Variants in PHF24 observed in about 807,000 individuals in gnomAD.
The protein encoded by PHF24 is Galpha inhibitory interacting protein.
A neutral mutation model predicts 42.6 loss-of-function variants in PHF24; 25 were observed. That is an observed-to-expected ratio of 0.59 (90% CI 0.43 to 0.82). The LOEUF is 0.82. Ranked by LOEUF, PHF24 falls within the 40% of genes least tolerant of loss-of-function variation. The pLI is 0.00. For synonymous variants in PHF24, 185 were observed against 204.8 expected, an observed-to-expected ratio of 0.90 and a Z score of 0.83; for missense variants, 470 against 538.1, an observed-to-expected ratio of 0.87 and a Z score of 1.25.
the PHF24 span, among the ~76,000 whole-genome samples, chr9:34,940,273 C>A: frequency 1.3e-5 from 2 of 152,068 alleles, no homozygotes; most frequent in African/African-American, 4.8e-5. Flanking sequence ...TTCTCCCTCC[C>A]AGATAAGCAC....
chr9:34,863,982 G>C, the PHF24 span, among the ~76,000 whole-genome samples: 1 of 152,234 alleles, frequency 6.6e-6, no homozygotes, highest in Non-Finnish European at 1.5e-5. Context: ...TAGAAACTCT[G>C]GAGTTGAAAA....
chr9:34,850,507 A>T, the PHF24 span, among the ~76,000 whole-genome samples: 2,509 of 151,866 alleles, frequency 0.017, 33 homozygotes, highest in Non-Finnish European at 0.026. Flanking sequence ...ATTTGTCTAA[A>T]TTTTTTTCAA....
the PHF24 span, among the ~76,000 whole-genome samples, chr9:34,876,604 T>C: frequency 6.6e-6 from 1 of 152,046 alleles, no homozygotes; most frequent in Non-Finnish European, 1.5e-5. Context: ...TCATTACTCA[T>C]TAGAGAAATG....
At chr9:34,836,006 T>C in the PHF24 span, 1 of 671,290 alleles carries the variant, frequency 1.5e-6, no homozygotes, top group Non-Finnish European at 2.8e-6. Flanking sequence ...CAGGGATCTG[T>C]ACATAGGATT....
chr9:34,806,790 A>C, the PHF24 span, among the ~76,000 whole-genome samples: 1 of 152,202 alleles, frequency 6.6e-6, no homozygotes, highest in Non-Finnish European at 1.5e-5. Context: ...CTTATTCGTA[A>C]GTATTTTATT....
At chr9:34,759,690 A>C in the PHF24 span, among the ~76,000 whole-genome samples, 106 of 152,306 alleles carry the variant, frequency 7.0e-4, no homozygotes, top group African/African-American at 2.3e-3. Flanking sequence ...TGCCCCCAGC[A>C]GAATCACCAT....
the PHF24 span, among the ~76,000 whole-genome samples, chr9:34,712,271 T>C: frequency 6.6e-6 from 1 of 152,198 alleles, no homozygotes; most frequent in East Asian, 1.9e-4. Flanking sequence ...TAATTTGTCT[T>C]GGTGTGGATC....
At chr9:34,727,957 G>T in the PHF24 span, 1 of 1,473,484 alleles carries the variant, frequency 6.8e-7, no homozygotes, top group South Asian at 1.3e-5. Context: ...CCTGCCCCAG[G>T]CCAAGCCAAG....
chr9:34,823,288 A>G, the PHF24 span, among the ~76,000 whole-genome samples: 8 of 150,206 alleles, frequency 5.3e-5, no homozygotes, highest in South Asian at 1.7e-3. Context: ...CCAGCCTGGC[A>G]CTGCCTCTGA....
chr9:34,942,854 T>TG, the PHF24 span, among the ~76,000 whole-genome samples: 2 of 150,580 alleles, frequency 1.3e-5, no homozygotes, highest in Non-Finnish European at 3.0e-5. Flanking sequence ...TGTCATGGGA[T>TG]GGGGGGCAGG....
At chr9:34,785,616 A>G in the PHF24 span, among the ~76,000 whole-genome samples, 1 of 152,202 alleles carries the variant, frequency 6.6e-6, no homozygotes, top group South Asian at 2.1e-4. Flanking sequence ...TTCAATAGGT[A>G]CAGGAAGTAA....
chr9:34,690,423 C>CGTGTGTGTGTGT, the PHF24 span: 1 of 913,044 alleles, frequency 1.1e-6, no homozygotes, highest in Non-Finnish European at 1.6e-6. Context: ...ATTGAGGACA[C>CGTGTGTGTGTGT]CTGTGTGTGT....
chr9:34,966,462 T>A (rs1261199741), intron 1 of PHF24, among the ~76,000 whole-genome samples: 1 of 152,050 alleles, frequency 6.6e-6, no homozygotes, highest in Non-Finnish European at 1.5e-5. Context: ...TAGCCCCAGC[T>A]ATGTGAGAGG....
upstream of PHF24, among the ~76,000 whole-genome samples, chr9:34,955,334 A>G (rs1826346871): frequency 7.5e-6 from 1 of 132,998 alleles, no homozygotes; most frequent in East Asian, 1.9e-4. Flanking sequence ...AAAAAAAAGA[A>G]AAGAAAGTTG....
chr9:34,895,652 A>G, the PHF24 span: 2 of 402,254 alleles, frequency 5.0e-6, no homozygotes, highest in African/African-American at 2.1e-5. Flanking sequence ...AATTAATGCA[A>G]TAATGCAGAT....
the PHF24 span, among the ~76,000 whole-genome samples, chr9:34,932,439 G>A: frequency 6.6e-6 from 1 of 152,164 alleles, no homozygotes; most frequent in South Asian, 2.1e-4. Flanking sequence ...GATACCAGGG[G>A]AAAGGATGTC....
the PHF24 span, among the ~76,000 whole-genome samples, chr9:34,869,462 T>G: frequency 0.75 from 113,570 of 152,064 alleles, 42,689 homozygotes; most frequent in East Asian, 0.87. Flanking sequence ...TGACGTGAGA[T>G]GTTATCTCCT....
At chr9:34,665,983 G>C in the PHF24 span, 2 of 438,306 alleles carry the variant, frequency 4.6e-6, no homozygotes, top group Non-Finnish European at 4.1e-6. Context: ...GTCACCTGGA[G>C]GGGGGGCTGA....
the PHF24 span, among the ~76,000 whole-genome samples, chr9:34,857,297 G>A: frequency 7.5e-3 from 1,144 of 152,318 alleles, 21 homozygotes; most frequent in African/African-American, 0.026. Context: ...CCCATTCCTA[G>A]GGGAGTGCAC....
Sources: gnomAD v4.1 joint callset for allele counts (sites outside exome capture counted in the v4.1 genomes callset) on GRCh38, gnomAD v4.1.1 for gene constraint, MANE v1.5 for transcripts, NCBI Gene and HGNC (gene_info 2026-07-23, HGNC 2026-07-21) for gene names.